The following NR2F1-AS1 variants were observed in gnomAD, a reference collection of about 807,000 sequenced individuals.
NR2F1-AS1 encodes NR2F1 regulatory antisense RNA 1, also known as NR2F1 antisense RNA 1.
intron 4 of NR2F1-AS1, among the ~76,000 whole-genome samples, chr5:93,487,871 G>T (rs528558048): frequency 6.6e-6 from 1 of 152,238 alleles, no homozygotes; most frequent in East Asian, 1.9e-4. Context: ...ATTCAAAACA[G>T]CATGGTACTG....
Position 93,442,409 on chromosome 5 carries a change from G to A in NR2F1-AS1, n.639-46867C>T, listed in dbSNP as rs140350366. ...GGAGATTATATCCTGCACCTGGCTC[G>A]GAGGGTCCCACGCCCATGGAGCCTT... is the stretch of plus-strand genomic sequence containing the variant. On this transcript the variant is annotated intron_variant and non_coding_transcript_variant, in intron 4 of 5. Coordinates refer to ENST00000660523, the Ensembl canonical transcript of NR2F1-AS1. 9.7e-3 allele frequency among the ~76,000 whole-genome samples: 1,472 copies of A among 152,256 alleles called. 9 individuals are homozygous for A. Among genetic ancestry groups the A allele is most frequent in the Non-Finnish European group, 0.016 (1,060 of 68,004 alleles).
chr5:93,500,902 C>G (rs1751065231), intron 4 of NR2F1-AS1, among the ~76,000 whole-genome samples: 1 of 152,074 alleles, frequency 6.6e-6, no homozygotes, highest in Non-Finnish European at 1.5e-5. Context: ...GTGTGAGCCA[C>G]CTGCGCCCTA....
At chr5:93,482,302 G>A (rs1750616998) in intron 4 of NR2F1-AS1, among the ~76,000 whole-genome samples, 1 of 152,100 alleles carries the variant, frequency 6.6e-6, no homozygotes, top group African/African-American at 2.4e-5. Context: ...TGCAGAGGAT[G>A]AGCCGAAGCA....
chr5:93,453,330 C>T (rs1429145262), intron 4 of NR2F1-AS1, among the ~76,000 whole-genome samples: 3 of 151,578 alleles, frequency 2.0e-5, no homozygotes, highest in African/African-American at 7.3e-5. Flanking sequence ...ATCATGCAGA[C>T]TAATATATAT....
chr5:93,517,279 G>A (rs187548585), intron 4 of NR2F1-AS1, among the ~76,000 whole-genome samples: 4 of 151,916 alleles, frequency 2.6e-5, no homozygotes, highest in African/African-American at 4.8e-5. Context: ...AGAGCCTTGG[G>A]AATACAAAAT....
At chr5:93,446,393 C>T (rs1749707576) in intron 4 of NR2F1-AS1, among the ~76,000 whole-genome samples, 1 of 152,138 alleles carries the variant, frequency 6.6e-6, no homozygotes, top group South Asian at 2.1e-4. Flanking sequence ...CACAAGCATT[C>T]CTATACACCA....
chr5:93,435,160 A>C (rs1172801582), intron 4 of NR2F1-AS1, among the ~76,000 whole-genome samples: 1 of 152,214 alleles, frequency 6.6e-6, no homozygotes, highest in East Asian at 1.9e-4. Flanking sequence ...TAGTGGTTGC[A>C]AAATGGTGAT....
intron 4 of NR2F1-AS1, among the ~76,000 whole-genome samples, chr5:93,468,703 A>G (rs1160797176): frequency 6.6e-6 from 1 of 151,944 alleles, no homozygotes; most frequent in Non-Finnish European, 1.5e-5. Flanking sequence ...TTGGTGTTTT[A>G]GTCATGAAGT....
At chr5:93,414,969 G>A (rs1748938727) in intron 4 of NR2F1-AS1, among the ~76,000 whole-genome samples, 1 of 152,060 alleles carries the variant, frequency 6.6e-6, no homozygotes, top group African/African-American at 2.4e-5. Context: ...GAACACTTAT[G>A]CATCTTCAGA....
intron 4 of NR2F1-AS1, among the ~76,000 whole-genome samples, chr5:93,516,934 C>G (rs1329604373): frequency 6.6e-6 from 1 of 151,900 alleles, no homozygotes; most frequent in Non-Finnish European, 1.5e-5. Flanking sequence ...ACTAGAATGG[C>G]ACCTATTAAC....
chr5:93,540,703 G>A (rs146575982), intron 4 of NR2F1-AS1, among the ~76,000 whole-genome samples: 35 of 152,204 alleles, frequency 2.3e-4, no homozygotes, highest in African/African-American at 8.2e-4. Flanking sequence ...AAATGTGCAA[G>A]CCAAGATAAA....
intron 4 of NR2F1-AS1, among the ~76,000 whole-genome samples, chr5:93,525,224 A>C (rs1751586855): frequency 6.6e-6 from 1 of 152,332 alleles, no homozygotes; most frequent in East Asian, 1.9e-4. Flanking sequence ...TCTCTGATAA[A>C]ACAGACTTTA....
rs371866139 is a variant in NR2F1-AS1 at position 93,543,316 on chromosome 5, C to G, written n.638+10445G>C. ...CTTCAGATATTAGAATTATCAGACACAAATTATAAAACTACACTTGCGTAT... is the reference window on the plus strand; with the variant it reads ...CTTCAGATATTAGAATTATCAGACAGAAATTATAAAACTACACTTGCGTAT... On this transcript the variant is annotated intron_variant and non_coding_transcript_variant, in intron 4 of 5. Transcript: ENST00000660523. 3.9e-5 allele frequency: 6 copies of G among 152,128 alleles called. No homozygotes were observed. In the East Asian group the frequency reaches 1.2e-3, roughly 29 times the overall value. The allele number at this position is 152,128 out of a possible 1,614,324, so 9.4% of individuals were successfully genotyped here.
chr5:93,581,735 C>CCCCTCCCCCTCT (rs1283885929), upstream of NR2F1-AS1, among the ~76,000 whole-genome samples: 1 of 26,772 alleles, frequency 3.7e-5, no homozygotes, highest in Non-Finnish European at 6.0e-5. Context: ...TCTCTCTCTC[C>CCCCTCCCCCTCT]CCCTCTCCCT....
chr5:93,443,330 T>C (rs993382459), intron 4 of NR2F1-AS1, among the ~76,000 whole-genome samples: 3 of 152,070 alleles, frequency 2.0e-5, no homozygotes, highest in African/African-American at 7.2e-5. Flanking sequence ...CTAACTAGAA[T>C]AAACAGCATA....
At chr5:93,413,063 GGTGTGTGT>G (rs71613591) in intron 4 of NR2F1-AS1, among the ~76,000 whole-genome samples, 2,818 of 139,240 alleles carry the variant, frequency 0.02, 77 homozygotes, top group African/African-American at 0.066. Flanking sequence ...ATAGCACTAT[GGTGTGTGT>G]GTGTGTGTGT....
At chr5:93,460,577 A>C (rs147238703) in intron 4 of NR2F1-AS1, among the ~76,000 whole-genome samples, 156 of 152,328 alleles carry the variant, frequency 1.0e-3, no homozygotes, top group African/African-American at 3.6e-3. Flanking sequence ...GAAAAGATGA[A>C]GACAACTAGT....
chr5:93,513,079 T>A (rs1751334160), intron 4 of NR2F1-AS1, among the ~76,000 whole-genome samples: 1 of 152,036 alleles, frequency 6.6e-6, no homozygotes, highest in African/African-American at 2.4e-5. Context: ...ACATCACTAA[T>A]CATCAGAGAA....
chr5:93,536,516 C>T (rs1044570693), intron 4 of NR2F1-AS1, among the ~76,000 whole-genome samples: 1 of 152,116 alleles, frequency 6.6e-6, no homozygotes, highest in Admixed American at 6.5e-5. Flanking sequence ...GGAAGCATCA[C>T]ACTATCTGAC....
Sources: gnomAD v4.1 joint callset for allele counts (sites outside exome capture counted in the v4.1 genomes callset) on GRCh38, gnomAD v4.1.1 for gene constraint, MANE v1.5 for transcripts, NCBI Gene and HGNC (gene_info 2026-07-23, HGNC 2026-07-21) for gene names.